The following PSD3 variants were observed in gnomAD, a reference collection of about 807,000 sequenced individuals.
PSD3 encodes pleckstrin and Sec7 domain containing 3.
PSD3 carries 49 observed loss-of-function variants against 105.5 expected under a neutral mutation model. The observed-to-expected ratio is 0.46, with a 90% CI of 0.37 to 0.59. The LOEUF (loss-of-function observed/expected upper bound fraction) is 0.59. Ranked by LOEUF, PSD3 falls within the 20% of genes least tolerant of loss-of-function variation. The probability of loss-of-function intolerance (pLI) is 0.00; values close to 1 mark genes in which losing one functional copy is unlikely to be tolerated. For missense variants in PSD3, 1,561 were observed against 1,263.8 expected (o/e 1.24, Z -3.57); for synonymous variants, 557 against 457.8 (o/e 1.22, Z -2.77).
intron 9 of PSD3, among the ~76,000 whole-genome samples, chr8:18,659,321 T>C (rs1269691198): frequency 6.6e-6 from 1 of 152,222 alleles, no homozygotes; most frequent in Admixed American, 6.5e-5. Context: ...CCATCTCCTC[T>C]AAAATGCATC....
At chr8:18,927,400 G>A (rs181595424) in intron 2 of PSD3, among the ~76,000 whole-genome samples, 1 of 152,088 alleles carries the variant, frequency 6.6e-6, no homozygotes, top group Non-Finnish European at 1.5e-5. Context: ...TCTTAGGAGA[G>A]ACAGGGTTTC....
In PSD3 at chr8:18,754,363, G is replaced by A. The variant is rs529414035; in HGVS notation, c.2172+11086C>T. On this transcript the variant is annotated intron_variant, in intron 9 of 15. Coordinates refer to ENST00000327040, the MANE Select transcript of PSD3 (RefSeq NM_015310.4). ...CACGCCACTGCATTCCAGCCTGGGC[G>A]ACAGGGTGAGACTCCATCTCAAAAT... Among the ~76,000 whole-genome samples the A allele has an allele frequency of 1.1e-4, 17 of 152,258 alleles. No individual in the cohort carries two copies. The South Asian group carries it at 3.1e-3, about 28-fold the overall frequency.
Position 18,533,154 on chromosome 8 carries a change from C to G in PSD3, c.*2589G>C, listed in dbSNP as rs1001034074. 1 of 152,198 alleles carries G rather than the reference C, an allele frequency of 6.6e-6. No homozygotes were observed. The highest frequency in any genetic ancestry group is 1.5e-5 in the Non-Finnish European group (1 of 68,052). The allele number at this position is 152,198 out of a possible 1,614,324, so 9.4% of individuals were successfully genotyped here. A position where few individuals can be genotyped will look rare whatever the true frequency, so the allele number is the denominator to read the frequency against. On this transcript the variant is annotated 3_prime_UTR_variant, in exon 16 of 16. Transcript: ENST00000327040. Reference sequence around the variant, plus strand: ...AATGTGGTTGGCTATGGGCCAGACTCTCAGAATCTAGGCAAATCAGTGACT... The same window carrying G: ...AATGTGGTTGGCTATGGGCCAGACTGTCAGAATCTAGGCAAATCAGTGACT...
chr8:18,575,217 T>A lies in PSD3; in HGVS notation c.2550A>T (p.Ala850=), dbSNP rs776481253. 1.2e-6 allele frequency: 2 copies of A among 1,613,876 alleles called. No homozygotes were observed. The highest frequency in any genetic ancestry group is 8.5e-7 in the Non-Finnish European group (1 of 1,179,908). Residue 850 remains alanine (A), a synonymous_variant, in exon 13 of 16, where the codon GCA becomes GCT. Coordinates refer to ENST00000327040, the MANE Select transcript of PSD3 (RefSeq NM_015310.4). ...CATAGTCCGTGGCCTTGGATGCCAA[T>A]GCGTGGTGCACACTCACAGCGTTTT... ...DLKNAVSVHH[A]LASKATDYEK...
chr8:18,958,903 A>T (rs902271061), intron 1 of PSD3, among the ~76,000 whole-genome samples: 3 of 147,210 alleles, frequency 2.0e-5, no homozygotes, highest in African/African-American at 7.7e-5. Context: ...AACAGGATAC[A>T]GAGGAGTTAA....
chr8:19,003,827 G>C (rs972481084), intron 1 of PSD3, among the ~76,000 whole-genome samples: 5 of 151,970 alleles, frequency 3.3e-5, no homozygotes, highest in Non-Finnish European at 7.4e-5. Context: ...GGCTTGATCA[G>C]CTCCTTGTAA....
chr8:18,968,320 CT>C (rs1428915346), intron 1 of PSD3, among the ~76,000 whole-genome samples: 2 of 152,188 alleles, frequency 1.3e-5, no homozygotes, highest in African/African-American at 4.8e-5. Context: ...AGACCATAAA[CT>C]TTTCAAGAAG....
At chr8:19,032,092 T>G (rs1441662696) in intron 1 of PSD3, among the ~76,000 whole-genome samples, 2 of 152,162 alleles carry the variant, frequency 1.3e-5, no homozygotes, top group African/African-American at 4.8e-5. Flanking sequence ...CAACACAGGA[T>G]GCTAATCTGA....
chr8:18,765,369 C>G, intron 9 of PSD3, 80 bp downstream of exon 9: 2 of 1,285,808 alleles, frequency 1.6e-6, no homozygotes, highest in Non-Finnish European at 1.1e-6. Flanking sequence ...CTTAAGTGAT[C>G]CTTAGCCTAC....
chr8:18,696,933 T>C (rs1192678372), intron 9 of PSD3, among the ~76,000 whole-genome samples: 1 of 152,072 alleles, frequency 6.6e-6, no homozygotes, highest in African/African-American at 2.4e-5. Flanking sequence ...GCCCCATATA[T>C]CCAAAATGTT....
At chr8:18,628,848 G>A (rs1469350743) in intron 11 of PSD3, among the ~76,000 whole-genome samples, 1 of 151,698 alleles carries the variant, frequency 6.6e-6, no homozygotes, top group Non-Finnish European at 1.5e-5. Context: ...ACAAAAAACA[G>A]AACCACACAC....
At chr8:18,875,825 T>C (rs1222379706) in intron 2 of PSD3, among the ~76,000 whole-genome samples, 1 of 152,130 alleles carries the variant, frequency 6.6e-6, no homozygotes, top group Non-Finnish European at 1.5e-5. Context: ...GCGTGAGCCA[T>C]GGCGCCTGGC....
In PSD3 at chr8:18,892,175, T is replaced by TCACACACACACACA. The variant is rs60102889; in HGVS notation, c.131-19456_131-19443dup. 2.3e-3 allele frequency among the ~76,000 whole-genome samples: 348 copies of TCACACACACACACA among 149,970 alleles called. 3 individuals carry two copies. Among genetic ancestry groups the TCACACACACACACA allele is most frequent in the African/African-American group, 8.3e-3 (339 of 40,794 alleles). On this transcript the variant is annotated intron_variant, in intron 2 of 15. Coordinates refer to ENST00000327040, the MANE Select transcript of PSD3 (RefSeq NM_015310.4). ...ATTGTTTGCTGTCACTTACTTACAA[T>TCACACACACACACA]CACACACACACACACACAAACTTTA...
At chr8:18,813,237 T>C (rs555028703) in intron 4 of PSD3, among the ~76,000 whole-genome samples, 2 of 151,886 alleles carry the variant, frequency 1.3e-5, no homozygotes, top group Non-Finnish European at 1.5e-5. Context: ...AACAAGACAA[T>C]GAACACAAGA....
At position 18,867,680 on chromosome 8, in the gene PSD3, C is replaced by T; in HGVS notation, c.1628G>A (p.Trp543Ter). 2 of 1,608,442 alleles carry T rather than the reference C, an allele frequency of 1.2e-6. No individual in the cohort carries two copies. Among genetic ancestry groups the T allele is most frequent in the Non-Finnish European group, 1.7e-6 (2 of 1,176,444 alleles). ...ATGAGAATGGGACGAGTACCTTCCCCAGAAAGCAATCTCCGGGGTGCCTTT... is the reference window on the plus strand; with the variant it reads ...ATGAGAATGGGACGAGTACCTTCCCTAGAAAGCAATCTCCGGGGTGCCTTT... ...YTKGTPEIAF[W>*]GSNAGVKTTR... The change falls in exon 4 of 16, where the codon TGG (tryptophan) becomes TAG (stop). Residue 543 changes from tryptophan (W) to a stop codon, truncating the protein, a stop_gained. Transcript: ENST00000327040. LOFTEE classifies it high-confidence loss of function.
Position 18,671,716 on chromosome 8 carries a change from C to T in PSD3, c.2173-16031G>A, listed in dbSNP as rs552721475. Among the ~76,000 whole-genome samples, 15 of 152,004 alleles carry T rather than the reference C, an allele frequency of 9.9e-5. No individual in the cohort carries two copies. The South Asian group carries it at 3.1e-3, about 32-fold the overall frequency. ...GCGCGATCTCCGCTCACTGCAAGCT[C>T]CGCCTCCTGGGTTCACGCCATTCTC... On this transcript the variant is annotated intron_variant, in intron 9 of 15. Coordinates refer to ENST00000327040, the MANE Select transcript of PSD3 (RefSeq NM_015310.4).
intron 4 of PSD3, among the ~76,000 whole-genome samples, chr8:18,805,859 T>G (rs1265563943): frequency 6.6e-6 from 1 of 152,228 alleles, no homozygotes; most frequent in Non-Finnish European, 1.5e-5. Context: ...TGCTACAAAT[T>G]ATTATCAGCT....
intron 12 of PSD3, among the ~76,000 whole-genome samples, chr8:18,586,858 G>A (rs890037898): frequency 7.2e-5 from 11 of 152,144 alleles, no homozygotes; most frequent in African/African-American, 2.4e-4. Context: ...GCTGAGAAAT[G>A]TATATGGGGT....
chr8:18,752,832 G>C (rs955406939), intron 9 of PSD3, among the ~76,000 whole-genome samples: 2 of 149,628 alleles, frequency 1.3e-5, no homozygotes, highest in South Asian at 4.2e-4. Flanking sequence ...GTGAAAGAAA[G>C]AGCATGGAAA....
Sources: allele counts gnomAD v4.1 joint callset (sites outside exome capture counted in the v4.1 genomes callset), GRCh38; gene constraint gnomAD v4.1.1; transcripts MANE v1.5; gene names NCBI Gene and HGNC (gene_info 2026-07-23, HGNC 2026-07-21).